TCF12: variants seen among roughly 807,000 people sequenced by gnomAD.
TCF12 encodes transcription factor 12, also known as DNA-binding protein HTF4.
In TCF12, 45 loss-of-function variants were observed where a neutral mutation model predicts 86.0. The ratio of observed to expected loss-of-function variants is 0.52; its 90% confidence interval spans 0.41 to 0.67. The LOEUF is 0.67. Among genes scored for constraint, TCF12 ranks in the 30% least tolerant of loss-of-function variants. The pLI, the probability that TCF12 is intolerant of heterozygous loss-of-function variation, is 0.00. For synonymous variants in TCF12, 330 were observed against 299.6 expected, an observed-to-expected ratio of 1.10 and a Z score of -1.05; for missense variants, 881 against 859.9, an observed-to-expected ratio of 1.02 and a Z score of -0.31.
At chr15:57,192,410 A>G (rs1597205147) in intron 7 of TCF12, 117 bp downstream of exon 7, 2 of 1,385,950 alleles carry the variant, frequency 1.4e-6, no homozygotes, top group Non-Finnish European at 9.7e-7. Context: ...TTTGTTTAAG[A>G]CAGCGTCTCA....
intron 2 of TCF12, 121 bp from the exon 3 acceptor site, chr15:56,920,905 C>T: frequency 1.5e-6 from 1 of 646,196 alleles, no homozygotes; most frequent in Non-Finnish European, 2.5e-6. Flanking sequence ...AATGTATCTC[C>T]AATTTTATTT....
chr15:57,037,593 A>G (rs1411575009), intron 3 of TCF12, among the ~76,000 whole-genome samples: 2 of 152,214 alleles, frequency 1.3e-5, no homozygotes, highest in Non-Finnish European at 2.9e-5. Context: ...GGGTCTTGGT[A>G]GCAATTTTGA....
intron 5 of TCF12, among the ~76,000 whole-genome samples, chr15:57,136,964 T>TG (rs2052579427): frequency 6.3e-5 from 1 of 15,996 alleles, no homozygotes; most frequent in African/African-American, 2.9e-4. Flanking sequence ...GGCAGTTTTT[T>TG]TTTTTGTTTT....
intron 16 of TCF12, among the ~76,000 whole-genome samples, chr15:57,260,871 A>G (rs1243364002): frequency 3.9e-5 from 6 of 152,204 alleles, no homozygotes; most frequent in African/African-American, 1.4e-4. Context: ...TTTTAAAAAT[A>G]ATTTGTTCTC....
intron 3 of TCF12, among the ~76,000 whole-genome samples, chr15:56,937,470 G>A (rs1430089731): frequency 6.6e-6 from 1 of 151,842 alleles, no homozygotes; most frequent in African/African-American, 2.4e-5. Flanking sequence ...AGTCTTCAGG[G>A]TTTTCTAAGT....
chr15:56,955,256 A>G (rs1040852320), intron 3 of TCF12, among the ~76,000 whole-genome samples: 1 of 152,206 alleles, frequency 6.6e-6, no homozygotes, highest in Admixed American at 6.5e-5. Flanking sequence ...TTGTAGGGAC[A>G]TGGATGAAGC....
intron 12 of TCF12, among the ~76,000 whole-genome samples, chr15:57,235,643 G>T (rs1376954473): frequency 6.6e-6 from 1 of 152,202 alleles, no homozygotes; most frequent in East Asian, 1.9e-4. Flanking sequence ...AGGTCTCCAG[G>T]TATTTGATTG....
intron 4 of TCF12, among the ~76,000 whole-genome samples, chr15:57,065,620 C>A (rs749418949): frequency 1.4e-4 from 21 of 150,054 alleles, no homozygotes; most frequent in Admixed American, 1.2e-3. Flanking sequence ...CTTTCTTCAC[C>A]GCCCCGCCCC....
chr15:57,064,830 C>T (rs1033338867), intron 4 of TCF12, among the ~76,000 whole-genome samples: 3 of 132,908 alleles, frequency 2.3e-5, no homozygotes, highest in Non-Finnish European at 3.2e-5. Context: ...GAGAGAAAGA[C>T]TTTTCCAAAA....
intron 3 of TCF12, among the ~76,000 whole-genome samples, chr15:57,030,185 G>T (rs1312746067): frequency 6.6e-6 from 1 of 151,944 alleles, no homozygotes; most frequent in Admixed American, 6.6e-5. Context: ...TAATTGAGTC[G>T]TGGTCTTGCT....
chr15:57,261,765 T>TA lies in TCF12; in HGVS notation c.1468-329_1468-328insA, dbSNP rs6145574. Among the ~76,000 whole-genome samples the TA allele has an allele frequency of 5.3e-5, 8 of 151,876 alleles. No individual in the cohort carries two copies. In the East Asian group the frequency reaches 1.6e-3, roughly 29 times the overall value. ...ATATGAAATAGATTTTCAGATTGAT[T>TA]TATAATACGTAGTGCGTTGTGGCTT... On this transcript the variant is annotated intron_variant, in intron 16 of 20. Coordinates refer to ENST00000333725, the MANE Select transcript of TCF12 (RefSeq NM_207037.2).
chr15:57,172,307 A>G (rs1264934889), intron 6 of TCF12, among the ~76,000 whole-genome samples: 3 of 152,228 alleles, frequency 2.0e-5, no homozygotes, highest in Non-Finnish European at 4.4e-5. Flanking sequence ...AAAATTGAAT[A>G]CTTCTGTCTT....
At chr15:57,268,066 C>T (rs1307047978) in intron 18 of TCF12, among the ~76,000 whole-genome samples, 1 of 152,118 alleles carries the variant, frequency 6.6e-6, no homozygotes, top group Non-Finnish European at 1.5e-5. Context: ...GAGCACTGAG[C>T]TGACATCTCA....
chr15:57,136,431 A>C (rs1310029301), intron 5 of TCF12, among the ~76,000 whole-genome samples: 1 of 152,184 alleles, frequency 6.6e-6, no homozygotes. Flanking sequence ...ATAACCATGG[A>C]TTAAATGTTT....
chr15:57,191,080 G>T (rs1387152949), intron 6 of TCF12, among the ~76,000 whole-genome samples: 3 of 152,110 alleles, frequency 2.0e-5, no homozygotes, highest in Admixed American at 1.3e-4. Flanking sequence ...CCCTTAATGC[G>T]AGCTAACATA....
intron 3 of TCF12, among the ~76,000 whole-genome samples, chr15:56,926,954 T>G (rs1270264315): frequency 1.3e-5 from 2 of 152,184 alleles, no homozygotes; most frequent in African/African-American, 4.8e-5. Context: ...AGGAAGGCAT[T>G]TATTTACTTT....
intron 7 of TCF12, among the ~76,000 whole-genome samples, chr15:57,193,547 G>T (rs2151718937): frequency 6.6e-6 from 1 of 152,252 alleles, no homozygotes; most frequent in African/African-American, 2.4e-5. Context: ...AGAATTTCTG[G>T]TGATTTCTAC....
intron 5 of TCF12, among the ~76,000 whole-genome samples, chr15:57,152,828 A>G (rs532539779): frequency 2.7e-4 from 41 of 152,066 alleles, no homozygotes; most frequent in African/African-American, 9.7e-4. Context: ...CATAGATGCA[A>G]GACTTAAGAA....
chr15:57,181,905 CA>C (rs1217603110), intron 6 of TCF12, among the ~76,000 whole-genome samples: 2 of 151,916 alleles, frequency 1.3e-5, no homozygotes, highest in Non-Finnish European at 2.9e-5. Context: ...ATATATTTTT[CA>C]CAGAGAAAAA....
Sources: gnomAD v4.1 joint callset for allele counts (sites outside exome capture counted in the v4.1 genomes callset) on GRCh38, gnomAD v4.1.1 for gene constraint, MANE v1.5 for transcripts, NCBI Gene and HGNC (gene_info 2026-07-23, HGNC 2026-07-21) for gene names.